LRP1B: variants seen among roughly 807,000 people sequenced by gnomAD.
LRP1B encodes the protein LDL receptor related protein 1B.
A neutral mutation model predicts 556.6 loss-of-function variants in LRP1B; 217 were observed. That is an observed-to-expected ratio of 0.39 (90% CI 0.35 to 0.44). LRP1B has a LOEUF of 0.44. Among genes scored for constraint, LRP1B ranks in the 20% least tolerant of loss-of-function variants. The pLI is 1.00. For synonymous variants in LRP1B, 2,047 were observed against 1,865.8 expected (o/e 1.10, Z -2.50); for missense variants, 5,053 against 5,620.8 (o/e 0.90, Z 3.23).
chr2:140,972,663 A>G (rs909934576), intron 18 of LRP1B, among the ~76,000 whole-genome samples: 1 of 151,946 alleles, frequency 6.6e-6, no homozygotes, highest in South Asian at 2.1e-4. Flanking sequence ...CTTGAAAATT[A>G]TGGGGAGTGA....
At chr2:140,262,978 C>T (rs1412591725) in intron 86 of LRP1B, among the ~76,000 whole-genome samples, 2 of 152,146 alleles carry the variant, frequency 1.3e-5, no homozygotes, top group African/African-American at 4.8e-5. Context: ...GGCTGAAATG[C>T]AGTGAAGCAA....
rs990534428 is a variant in LRP1B, at chr2:141,624,862, C to G, written c.206-144329G>C. On this transcript the variant is annotated intron_variant, in intron 2 of 90. Coordinates refer to ENST00000389484, the MANE Select transcript of LRP1B (RefSeq NM_018557.3). ...TCGGCTCACTGCAAGCTCCGCCTCC[C>G]AGGTTCATTCCATTCTCCTGCCTCA... Among the ~76,000 whole-genome samples, 7 of 152,122 alleles carry G rather than the reference C, an allele frequency of 4.6e-5. 1 individual carries two copies. The highest frequency in any genetic ancestry group is 4.6e-4 in the Admixed American group (7 of 15,274).
chr2:141,346,897 C>T (rs551755652), intron 3 of LRP1B, among the ~76,000 whole-genome samples: 1 of 152,078 alleles, frequency 6.6e-6, no homozygotes, highest in African/African-American at 2.4e-5. Flanking sequence ...AATTCATTAT[C>T]TAGTTCTCCA....
chr2:141,428,051 A>G (rs1453733513), intron 3 of LRP1B, among the ~76,000 whole-genome samples: 1 of 152,168 alleles, frequency 6.6e-6, no homozygotes, highest in Non-Finnish European at 1.5e-5. Flanking sequence ...TCCCTTAAAT[A>G]ACATTATTTG....
At chr2:141,542,854 A>G (rs1574062267) in intron 2 of LRP1B, among the ~76,000 whole-genome samples, 1 of 152,152 alleles carries the variant, frequency 6.6e-6, no homozygotes, top group Non-Finnish European at 1.5e-5. Flanking sequence ...GCCTATTTGC[A>G]GTCCTATTGA....
chr2:142,061,455 T>C (rs1383646404), intron 1 of LRP1B, among the ~76,000 whole-genome samples: 3 of 152,132 alleles, frequency 2.0e-5, no homozygotes, highest in East Asian at 1.9e-4. Context: ...TACAATAAAG[T>C]ATTATGCCTA....
At chr2:142,010,533 C>A (rs1457173891) in intron 1 of LRP1B, among the ~76,000 whole-genome samples, 10 of 115,360 alleles carry the variant, frequency 8.7e-5, no homozygotes, top group African/African-American at 3.1e-4. Flanking sequence ...CCAGGCTGGG[C>A]GACAGAGCAA....
chr2:141,413,868 G>GGAGAGAGA (rs139239783), intron 3 of LRP1B, among the ~76,000 whole-genome samples: 2 of 148,140 alleles, frequency 1.4e-5, no homozygotes, highest in African/African-American at 5.0e-5. Context: ...GACACAGTGA[G>GGAGAGAGA]GAGAGAGAGA....
At position 140,867,849 on chromosome 2, in the gene LRP1B, A is replaced by AT; in HGVS notation, c.4335-16dup. ...TAGCATCTGACCTACAGAAAGATAA[A>AT]TACATGAGTAGTTTGTCAAAACTCA... On this transcript the variant is annotated splice_polypyrimidine_tract_variant and intron_variant, in intron 26 of 90. Transcript: ENST00000389484. The AT allele has an allele frequency of 6.6e-7, 1 of 1,506,632 alleles. No individual in the cohort carries two copies. The highest frequency in any genetic ancestry group is 8.9e-7 in the Non-Finnish European group (1 of 1,128,354). 93.3% of individuals were successfully genotyped at this position (1,506,632 alleles called of 1,614,324 possible).
At chr2:141,247,938 C>T (rs1035744664) in intron 4 of LRP1B, among the ~76,000 whole-genome samples, 3 of 152,004 alleles carry the variant, frequency 2.0e-5, no homozygotes, top group African/African-American at 2.4e-5. Flanking sequence ...CTGGGCACTG[C>T]GGCTCATGCC....
At chr2:141,502,484 C>G (rs1274177350) in intron 2 of LRP1B, among the ~76,000 whole-genome samples, 1 of 152,106 alleles carries the variant, frequency 6.6e-6, no homozygotes, top group Non-Finnish European at 1.5e-5. Context: ...GTTACGATCT[C>G]ATGGGAATAG....
intron 3 of LRP1B, among the ~76,000 whole-genome samples, chr2:141,264,354 G>T (rs1684809371): frequency 6.6e-6 from 1 of 152,090 alleles, no homozygotes. Flanking sequence ...AAAAGAAAAA[G>T]CAAAATTTTC....
At chr2:141,345,785 A>G (rs1337857875) in intron 3 of LRP1B, among the ~76,000 whole-genome samples, 2 of 151,476 alleles carry the variant, frequency 1.3e-5, no homozygotes, top group African/African-American at 2.4e-5. Flanking sequence ...GATTACAGGT[A>G]TGAGTCACTG....
rs140800504 is a variant in LRP1B, at chr2:140,436,978, G to A, written c.10414+5526C>T. Among the ~76,000 whole-genome samples the A allele has an allele frequency of 2.0e-3, 301 of 152,276 alleles. 2 individuals are homozygous for A. Among genetic ancestry groups the A allele is most frequent in the Admixed American group, 4.1e-3 (62 of 15,292 alleles). On this transcript the variant is annotated intron_variant, in intron 66 of 90. Coordinates refer to ENST00000389484, the MANE Select transcript of LRP1B (RefSeq NM_018557.3). Reference sequence around the variant, plus strand: ...GGGTAGAAGTTAGAAGTATAAGCTTGAGGCAGTATTCCTGGCTCCTCACAG... The same window carrying A: ...GGGTAGAAGTTAGAAGTATAAGCTTAAGGCAGTATTCCTGGCTCCTCACAG...
At chr2:140,979,551 C>A (rs1478813163) in intron 18 of LRP1B, among the ~76,000 whole-genome samples, 2 of 151,954 alleles carry the variant, frequency 1.3e-5, no homozygotes, top group Admixed American at 1.3e-4. Flanking sequence ...ATCATGTTGG[C>A]AACTTGATAT....
At chr2:140,256,852 T>C (rs1681718359) in intron 86 of LRP1B, among the ~76,000 whole-genome samples, 1 of 151,944 alleles carries the variant, frequency 6.6e-6, no homozygotes, top group African/African-American at 2.4e-5. Context: ...AAAATTTACA[T>C]AAAATTTGTA....
intron 5 of LRP1B, among the ~76,000 whole-genome samples, chr2:141,239,084 A>G (rs1429386023): frequency 6.6e-6 from 1 of 152,086 alleles, no homozygotes; most frequent in African/African-American, 2.4e-5. Context: ...AAAGATGTCT[A>G]AAGGACTGAA....
chr2:140,321,450 A>T (rs1028071320), intron 82 of LRP1B, among the ~76,000 whole-genome samples: 2 of 151,632 alleles, frequency 1.3e-5, no homozygotes, highest in Non-Finnish European at 2.9e-5. Context: ...ATTATCAAAG[A>T]ATAATTATTA....
chr2:140,328,476 GAA>G (rs71408448), intron 79 of LRP1B, among the ~76,000 whole-genome samples: 11 of 141,414 alleles, frequency 7.8e-5, no homozygotes, highest in Non-Finnish European at 1.2e-4. Context: ...GAAAATGAAA[GAA>G]AAAAAAAAAG....
Sources: gnomAD v4.1 joint callset for allele counts (sites outside exome capture counted in the v4.1 genomes callset) on GRCh38, gnomAD v4.1.1 for gene constraint, MANE v1.5 for transcripts, NCBI Gene and HGNC (gene_info 2026-07-23, HGNC 2026-07-21) for gene names.